Variants in GUCA1C observed in about 807,000 individuals in gnomAD.
The protein encoded by GUCA1C is guanylyl cyclase-activating protein 3.
Under a neutral mutation model 16.2 loss-of-function variants are expected in GUCA1C, and 15 were observed. That is an observed-to-expected ratio of 0.93 (90% CI 0.62 to 1.43). The LOEUF (loss-of-function observed/expected upper bound fraction) is 1.43, where lower values mean the gene tolerates loss of function less well. Ranked by LOEUF, GUCA1C falls within the 40% of genes most tolerant of loss-of-function variation. The pLI, the probability that GUCA1C is intolerant of heterozygous loss-of-function variation, is 0.00. For synonymous variants in GUCA1C, 78 were observed against 85.4 expected (o/e 0.91, Z 0.48); for missense variants, 275 against 244.8 (o/e 1.12, Z -0.82).
intron 1 of GUCA1C, among the ~76,000 whole-genome samples, chr3:108,945,139 T>G (rs910961521): frequency 2.6e-5 from 4 of 152,226 alleles, no homozygotes; most frequent in African/African-American, 9.6e-5. Context: ...TTGGGTGTTT[T>G]GTATCAATCT....
intron 2 of GUCA1C, among the ~76,000 whole-genome samples, chr3:108,917,278 C>G (rs1946527481): frequency 6.6e-6 from 1 of 152,106 alleles, no homozygotes; most frequent in Non-Finnish European, 1.5e-5. Flanking sequence ...GTGATATTAG[C>G]CCACATAAAA....
intron 1 of GUCA1C, among the ~76,000 whole-genome samples, chr3:108,929,717 T>C (rs1189743127): frequency 6.6e-6 from 1 of 152,164 alleles, no homozygotes; most frequent in African/African-American, 2.4e-5. Flanking sequence ...ACTTCTTCAA[T>C]GCCTTTCTTC....
Position 108,912,990 on chromosome 3 carries a change from A to G in GUCA1C, c.442+3137T>C, listed in dbSNP as rs756099836. Among the ~76,000 whole-genome samples, 12 of 151,996 alleles carry G rather than the reference A, an allele frequency of 7.9e-5. 1 individual carries two copies. Among genetic ancestry groups the G allele is most frequent in the Admixed American group, 2.6e-4 (4 of 15,268 alleles). ...TATTTTGCTTAACCTTCTAACTTTG[A>G]TTTGCTATTATGAGAATTATGTTTA... On this transcript the variant is annotated intron_variant, in intron 3 of 3. Coordinates refer to ENST00000261047, the MANE Select transcript of GUCA1C (RefSeq NM_005459.4).
intron 3 of GUCA1C, among the ~76,000 whole-genome samples, chr3:108,912,122 A>AATAATAATAATAATAATAATAATC (rs762101057): frequency 0.035 from 5,168 of 147,514 alleles, 159 homozygotes; most frequent in Middle Eastern, 0.064. Flanking sequence ...TAATAATAAT[A>AATAATAATAATAATAATAATAATC]ATCACCCTTT....
intron 3 of GUCA1C, among the ~76,000 whole-genome samples, chr3:108,911,562 A>G (rs1490354692): frequency 6.6e-6 from 1 of 152,212 alleles, no homozygotes; most frequent in Non-Finnish European, 1.5e-5. Flanking sequence ...TTTATTAGCA[A>G]GGTGGCACTA....
chr3:108,917,837 A>T (rs1946532874), intron 2 of GUCA1C, among the ~76,000 whole-genome samples: 1 of 151,996 alleles, frequency 6.6e-6, no homozygotes, highest in African/African-American at 2.4e-5. Flanking sequence ...CGAGGTCAGG[A>T]GTTCATAGAC....
chr3:108,943,334 C>T (rs1946807334), intron 1 of GUCA1C, among the ~76,000 whole-genome samples: 1 of 152,166 alleles, frequency 6.6e-6, no homozygotes. Flanking sequence ...CGTGATTCAC[C>T]TCCTGGGTAG....
At chr3:108,943,497 C>T (rs1333003363) in intron 1 of GUCA1C, among the ~76,000 whole-genome samples, 1 of 152,146 alleles carries the variant, frequency 6.6e-6, no homozygotes, top group Non-Finnish European at 1.5e-5. Flanking sequence ...GAAGAAACAA[C>T]AGCCCTCTGC....
chr3:108,929,326 T>G (rs568438971), intron 1 of GUCA1C, among the ~76,000 whole-genome samples: 2 of 152,298 alleles, frequency 1.3e-5, no homozygotes, highest in African/African-American at 4.8e-5. Context: ...AGGAGGTTTG[T>G]CTTTTGTTTT....
intron 3 of GUCA1C, among the ~76,000 whole-genome samples, chr3:108,911,264 A>G (rs1193291386): frequency 6.6e-6 from 1 of 152,188 alleles, no homozygotes; most frequent in East Asian, 1.9e-4. Flanking sequence ...ATAATCTTTT[A>G]TAACAAAACA....
intron 1 of GUCA1C, among the ~76,000 whole-genome samples, chr3:108,950,666 T>C (rs1946887885): frequency 6.6e-6 from 1 of 152,200 alleles, no homozygotes; most frequent in African/African-American, 2.4e-5. Flanking sequence ...TTACTTTTAT[T>C]TTAAGCACTA....
In GUCA1C at chr3:108,907,959, G is replaced by A. The variant is rs905964470; in HGVS notation, c.*63C>T. On this transcript the variant is annotated 3_prime_UTR_variant, in exon 4 of 4. Transcript: ENST00000261047. ...AAATCAACAGCATGTACATGGGGAA[G>A]ATTCTATTTCTTCTCTACTGAAATG... 1 of 1,205,480 alleles carries A rather than the reference G, an allele frequency of 8.3e-7. No homozygotes were observed. The allele number at this position is 1,205,480 out of a possible 1,614,324, so 74.7% of individuals were successfully genotyped here.
chr3:108,950,972 G>A (rs2593925), intron 1 of GUCA1C, among the ~76,000 whole-genome samples: 52,959 of 152,000 alleles, frequency 0.35, 9,682 homozygotes, highest in Middle Eastern at 0.49. Flanking sequence ...ATATATTAAG[G>A]AAGTGCTTTA....
chr3:108,930,875 AG>A (rs1946660095), intron 1 of GUCA1C, among the ~76,000 whole-genome samples: 1 of 152,204 alleles, frequency 6.6e-6, no homozygotes, highest in Non-Finnish European at 1.5e-5. Context: ...ATGTTATTAT[AG>A]GGTTGAAATT....
chr3:108,932,728 C>T (rs2107300423), intron 1 of GUCA1C, among the ~76,000 whole-genome samples: 1 of 152,042 alleles, frequency 6.6e-6, no homozygotes, highest in East Asian at 1.9e-4. Flanking sequence ...TCAAGACAAG[C>T]CTGACCAACA....
chr3:108,932,752 T>A (rs34278121), intron 1 of GUCA1C, among the ~76,000 whole-genome samples: 1 of 151,808 alleles, frequency 6.6e-6, no homozygotes, highest in African/African-American at 2.4e-5. Context: ...AGAAAGCCCA[T>A]CTCTACTAAA....
At chr3:108,925,506 T>C (rs929067971) in intron 1 of GUCA1C, among the ~76,000 whole-genome samples, 6 of 152,202 alleles carry the variant, frequency 3.9e-5, no homozygotes, top group Non-Finnish European at 7.3e-5. Flanking sequence ...TAATTTCAAT[T>C]TTCTCAAATT....
At chr3:108,918,559 C>A (rs775204071) in intron 2 of GUCA1C, among the ~76,000 whole-genome samples, 4 of 152,112 alleles carry the variant, frequency 2.6e-5, no homozygotes, top group Non-Finnish European at 5.9e-5. Flanking sequence ...ATGTTATTGA[C>A]CTGGGGGGTC....
chr3:108,926,137 T>C (rs1430056862), intron 1 of GUCA1C, among the ~76,000 whole-genome samples: 1 of 152,086 alleles, frequency 6.6e-6, no homozygotes, highest in East Asian at 1.9e-4. Context: ...ATATTTAGAA[T>C]TGTGATATTT....
Sources: allele counts gnomAD v4.1 joint callset (sites outside exome capture counted in the v4.1 genomes callset), GRCh38; gene constraint gnomAD v4.1.1; transcripts MANE v1.5; gene names NCBI Gene and HGNC (gene_info 2026-07-23, HGNC 2026-07-21).